The following UCKL1 variants were observed in gnomAD, a reference collection of about 807,000 sequenced individuals.
UCKL1 encodes the protein uridine-cytidine kinase-like 1.
A neutral mutation model predicts 59.2 loss-of-function variants in UCKL1; 65 were observed. The ratio of observed to expected loss-of-function variants is 1.10; its 90% CI spans 0.90 to 1.35. UCKL1 has a LOEUF of 1.35. Ranked by LOEUF, UCKL1 falls within the 40% of genes most tolerant of loss-of-function variation. The pLI, the probability that UCKL1 is intolerant of heterozygous loss-of-function variation, is 0.00. For synonymous variants in UCKL1, 410 were observed against 323.1 expected (o/e 1.27, Z -2.88); for missense variants, 703 against 784.3 (o/e 0.90, Z 1.24).
At chr20:63,956,219 T>C in intron 1 of UCKL1, 41 bp downstream of exon 1, 1 of 1,471,120 alleles carries the variant, frequency 6.8e-7, no homozygotes, top group South Asian at 1.3e-5. Flanking sequence ...CTGCAGCCCC[T>C]TCCCGCTCGC....
At position 63,955,620 on chromosome 20, in the gene UCKL1, G is replaced by A. The variant is rs370534555; in HGVS notation, c.113+640C>T. ...CCGGAAGGGAGGGGCAGCGCCCAGA[G>A]CGCCCTCTTGCAGCCCCGGGCACTG... is the stretch of plus-strand genomic sequence containing the variant. On this transcript the variant is annotated intron_variant, in intron 1 of 14. Coordinates refer to ENST00000354216, the MANE Select transcript of UCKL1 (RefSeq NM_017859.4). The A allele has an allele frequency of 2.1e-3, 313 of 152,328 alleles. 10 individuals carry two copies. The South Asian group carries it at 0.055, about 27-fold the overall frequency. 9.4% of individuals were successfully genotyped at this position (152,328 alleles called of 1,614,324 possible).
chr20:63,955,820 GC>G (rs2058528066), intron 1 of UCKL1: 1 of 153,352 alleles, frequency 6.5e-6, no homozygotes, highest in Admixed American at 6.5e-5. Context: ...AAGGTGCCAC[GC>G]GCGTGCGAGG....
chr20:63,956,085 G>A, intron 1 of UCKL1, 175 bp downstream of exon 1: 1 of 559,846 alleles, frequency 1.8e-6, no homozygotes, highest in Non-Finnish European at 2.9e-6. Flanking sequence ...CCGTCCTCCC[G>A]GCCGCTTCAA....
In UCKL1 at chr20:63,944,679, C is replaced by T. The variant is rs1260192691; in HGVS notation, c.710G>A (p.Arg237Gln). 5.0e-6 allele frequency: 8 copies of T among 1,612,872 alleles called. No individual in the cohort carries two copies. The highest frequency in any genetic ancestry group is 6.8e-6 in the Non-Finnish European group (8 of 1,179,972). The change falls in exon 6 of 15, where the codon CGG (arginine) becomes CAG (glutamine). Residue 237 changes from arginine to glutamine, a missense_variant. Transcript: ENST00000354216. ...GCGCTCACTGATGTCCCGGCGCAGC[C>T]GCCGTACCAGGCGGATGTCGGAGTC... Reference protein sequence around the residue: ...DTDSDIRLVRRLRRDISERGR... With the variant: ...DTDSDIRLVRQLRRDISERGR...
intron 1 of UCKL1, among the ~76,000 whole-genome samples, chr20:63,947,434 T>C (rs2056545613): frequency 6.6e-6 from 1 of 151,992 alleles, no homozygotes; most frequent in African/African-American, 2.4e-5. Context: ...GAGGGCGGCG[T>C]GTGGGTGGAG....
chr20:63,944,592 T>C lies in UCKL1; in HGVS notation c.797A>G (p.Gln266Arg). 5.0e-6 allele frequency: 8 copies of C among 1,613,024 alleles called. No homozygotes were observed. Among genetic ancestry groups the C allele is most frequent in the Non-Finnish European group, 6.8e-6 (8 of 1,179,840 alleles). Residue 266 changes from glutamine (Q) to arginine (R), a missense_variant, in exon 6 of 15, where the codon CAG becomes CGG. Around this residue, in one of 4 missense-constraint regions of UCKL1, gnomAD observed 398 missense variants for 373.0 expected, o/e 1.07. Transcript: ENST00000354216. ...CAGGCGCATGGTGGGCTGGATGTAC[T>C]GGTCGAAGGAGGGCTTGACAAACTT... ...YNKFVKPSFD[Q>R]YIQPTMRLAD... is the part of the protein sequence containing the mutation.
intron 1 of UCKL1, chr20:63,948,266 C>T (rs1188967243): frequency 6.6e-6 from 1 of 152,182 alleles, no homozygotes; most frequent in Non-Finnish European, 1.5e-5. Context: ...CTGTGCAGGG[C>T]AGAGCCCCCG....
rs2055671725 is a variant in UCKL1, at chr20:63,944,723, C to T, written c.666G>A (p.Met222Ile). 6.2e-7 allele frequency: 1 copy of T among 1,612,632 alleles called. No homozygotes were observed. The highest frequency in any genetic ancestry group is 1.3e-5 in the African/African-American group (1 of 75,068). Reference sequence around the variant, plus strand: ...CGGAGTCTGTGTCCACAAAGATCTTCATGTCCAGGAGCTGGTGGAGACAGC... The same window carrying T: ...CGGAGTCTGTGTCCACAAAGATCTTTATGTCCAGGAGCTGGTGGAGACAGC... ...ADKTLLELLD[M>I]KIFVDTDSDI... The change falls in exon 6 of 15, where the codon ATG becomes ATA. Residue 222 changes from methionine to isoleucine, a missense_variant. Met to Ile is a conservative substitution (Grantham distance 10). Around this residue, in one of 4 missense-constraint regions of UCKL1, gnomAD observed 398 missense variants for 373.0 expected, o/e 1.07. Transcript: ENST00000354216.
chr20:63,941,056 C>G lies in UCKL1; in HGVS notation c.1023-13G>C. 1 of 1,594,486 alleles carries G rather than the reference C, an allele frequency of 6.3e-7. No individual in the cohort carries two copies. Among genetic ancestry groups the G allele is most frequent in the South Asian group, 1.1e-5 (1 of 88,994 alleles). ...GGTCTCCTTGTCCCTGTGGGGCCAA[C>G]AGTTGAGCGGGAGCACGCGCCCGGG... On this transcript the variant is annotated splice_polypyrimidine_tract_variant and intron_variant, in intron 9 of 14. Coordinates refer to ENST00000354216, the MANE Select transcript of UCKL1 (RefSeq NM_017859.4).
Position 63,939,858 on chromosome 20 carries a change from T to C in UCKL1, c.*118A>G. Reference sequence around the variant, plus strand: ...TTTTTCTAAAGCTTTATTTATTTTATAAAATGCATAGAATAAATTATACTA... The same window carrying C: ...TTTTTCTAAAGCTTTATTTATTTTACAAAATGCATAGAATAAATTATACTA... On this transcript the variant is annotated 3_prime_UTR_variant, in exon 15 of 15. Transcript: ENST00000354216. The C allele has an allele frequency of 1.1e-6, 1 of 914,570 alleles. No homozygotes were observed. Among genetic ancestry groups the C allele is most frequent in the Non-Finnish European group, 1.6e-6 (1 of 610,152 alleles). 56.7% of individuals were successfully genotyped at this position (914,570 alleles called of 1,614,324 possible).
At position 63,939,899 on chromosome 20, in the gene UCKL1, T is replaced by C. The variant is rs2146328673; in HGVS notation, c.*77A>G. The C allele has an allele frequency of 2.5e-6, 3 of 1,215,314 alleles. No homozygotes were observed. The East Asian group carries it at 7.1e-5, about 29-fold the overall frequency. The allele number at this position is 1,215,314 out of a possible 1,614,324, so 75.3% of individuals were successfully genotyped here. On this transcript the variant is annotated 3_prime_UTR_variant, in exon 15 of 15. Transcript: ENST00000354216. ...AATTATACTAGTAACATTTTAAAAATTAACATCTTTGTATTCAGCAGTCCT... is the reference window on the plus strand; with the variant it reads ...AATTATACTAGTAACATTTTAAAAACTAACATCTTTGTATTCAGCAGTCCT...
At position 63,940,803 on chromosome 20, in the gene UCKL1, C is replaced by A; in HGVS notation, c.1170G>T (p.Ala390=). 6.3e-7 allele frequency: 1 copy of A among 1,584,492 alleles called. No homozygotes were observed. Among genetic ancestry groups the A allele is most frequent in the South Asian group, 1.2e-5 (1 of 86,686 alleles). Residue 390 remains alanine, a synonymous_variant, in exon 11 of 15, where the codon GCG becomes GCT. Transcript: ENST00000354216. ...QGQDYAGKCY[A]GKQITGVSIL... is the part of the protein sequence containing the mutation. ...GTGCCCAGGCAGGTACCTGCTTCCC[C>A]GCATAGCACTTGCCCGCATAGTCCT... is the stretch of plus-strand genomic sequence containing the variant.
chr20:63,951,534 A>G (rs1163522189), intron 1 of UCKL1, among the ~76,000 whole-genome samples: 2 of 152,168 alleles, frequency 1.3e-5, no homozygotes, highest in African/African-American at 4.8e-5. Context: ...CGACAGGCAT[A>G]AACAAATCTG....
At position 63,947,980 on chromosome 20, in the gene UCKL1, G is replaced by T. The variant is rs1041523685; in HGVS notation, c.114-1337C>A. On this transcript the variant is annotated intron_variant, in intron 1 of 14. Transcript: ENST00000354216. Reference sequence around the variant, plus strand: ...GCCTCTGGGGAGGCTCAATATGGCCGAGTGCCCTGCTGGGGGGTTGGGGGG... The same window carrying T: ...GCCTCTGGGGAGGCTCAATATGGCCTAGTGCCCTGCTGGGGGGTTGGGGGG... Among the ~76,000 whole-genome samples the T allele has an allele frequency of 3.9e-5, 6 of 152,144 alleles. No homozygotes were observed. In the East Asian group the frequency reaches 1.2e-3, roughly 29 times the overall value.
chr20:63,941,664 CAAGAG>C, intron 8 of UCKL1: 1 of 218,804 alleles, frequency 4.6e-6, no homozygotes, highest in Non-Finnish European at 1.0e-5. Context: ...CGCGGCCCCT[CAAGAG>C]AGGGGGGTGG....
At chr20:63,944,286 G>A in intron 7 of UCKL1, 111 bp downstream of exon 7, 1 of 1,081,954 alleles carries the variant, frequency 9.2e-7, no homozygotes, top group Non-Finnish European at 1.3e-6. Flanking sequence ...CACCTGGCAG[G>A]GGACAGTGAA....
Position 63,945,793 on chromosome 20 carries a change from G to T in UCKL1, c.582+12C>A. 6.2e-7 allele frequency: 1 copy of T among 1,613,440 alleles called. No homozygotes were observed. Among genetic ancestry groups the T allele is most frequent in the Non-Finnish European group, 8.5e-7 (1 of 1,179,952 alleles). Reference sequence around the variant, plus strand: ...AGCCCCCCGAGGCCCCCTCTGCAGGGCCCTGGCCTACCCAGTCCTTCTTCC... The same window carrying T: ...AGCCCCCCGAGGCCCCCTCTGCAGGTCCCTGGCCTACCCAGTCCTTCTTCC... On this transcript the variant is annotated intron_variant, in intron 4 of 14. Coordinates refer to ENST00000354216, the MANE Select transcript of UCKL1 (RefSeq NM_017859.4).
intron 8 of UCKL1, 84 bp downstream of exon 8, chr20:63,943,569 T>C: frequency 6.3e-7 from 1 of 1,597,366 alleles, no homozygotes; most frequent in Non-Finnish European, 8.6e-7. Context: ...GCCAGCTGCC[T>C]GGCTGGATCA....
chr20:63,940,773 C>T, intron 11 of UCKL1, 21 bp downstream of exon 11: 1 of 1,599,038 alleles, frequency 6.3e-7, no homozygotes, highest in Non-Finnish European at 8.5e-7. Context: ...GTCCCGCGCC[C>T]AGGTGTGCCC....
Sources: allele counts gnomAD v4.1 joint callset (sites outside exome capture counted in the v4.1 genomes callset), GRCh38; gene constraint gnomAD v4.1.1; regional missense constraint gnomAD v4.1.1; transcripts MANE v1.5; gene names NCBI Gene and HGNC (gene_info 2026-07-23, HGNC 2026-07-21).